SV2B: variants seen among roughly 807,000 people sequenced by gnomAD.
SV2B encodes synaptic vesicle glycoprotein 2B.
In SV2B, 41 loss-of-function variants were observed where a neutral mutation model predicts 73.9. That is an observed-to-expected ratio of 0.56 (90% CI 0.43 to 0.72). The LOEUF is 0.72. SV2B is among the 30% of genes least tolerant of loss of function. SV2B has a pLI of 0.00. For synonymous variants in SV2B, 314 were observed against 314.2 expected (o/e 1.00, Z 0.01); for missense variants, 764 against 857.8 (o/e 0.89, Z 1.37).
At position 91,300,671 on chromosome 15, in the gene SV2B, G is replaced by A. The variant is rs1180157260; in HGVS notation, c.*8119G>A. On this transcript the variant is annotated 3_prime_UTR_variant, in exon 13 of 13. Coordinates refer to ENST00000394232, the MANE Select transcript of SV2B (RefSeq NM_001323032.3). ...CCCTGAAAGTCAGGCCAGTGGTCTC[G>A]AATCATTCCCACAGCAACTGCTACA... 6.6e-6 allele frequency: 1 copy of A among 152,116 alleles called. No individual in the cohort carries two copies. Among genetic ancestry groups the A allele is most frequent in the Non-Finnish European group, 1.5e-5 (1 of 68,034 alleles). The allele number at this position is 152,116 out of a possible 1,614,324, so 9.4% of individuals were successfully genotyped here. A position where few individuals can be genotyped will look rare whatever the true frequency, so the allele number is the denominator to read the frequency against.
intron 1 of SV2B, among the ~76,000 whole-genome samples, chr15:91,176,461 G>T (rs572258528): frequency 1.3e-5 from 2 of 151,848 alleles, no homozygotes; most frequent in Non-Finnish European, 2.9e-5. Context: ...CTGAGGAATC[G>T]CCACACTGAC....
chr15:91,274,947 A>G (rs2048435399), intron 9 of SV2B, among the ~76,000 whole-genome samples: 1 of 152,032 alleles, frequency 6.6e-6, no homozygotes, highest in African/African-American at 2.4e-5. Context: ...TATTATCTAA[A>G]TCTCCAGCAT....
At chr15:91,189,727 G>A (rs903973751) in intron 1 of SV2B, among the ~76,000 whole-genome samples, 2 of 152,184 alleles carry the variant, frequency 1.3e-5, no homozygotes, top group South Asian at 2.1e-4. Context: ...GGTGGCTCAC[G>A]CCTGTAATCC....
In SV2B at chr15:91,121,064, G is replaced by T. The variant is rs1174256391; in HGVS notation, c.-392+20701G>T. Among the ~76,000 whole-genome samples the T allele has an allele frequency of 6.6e-6, 1 of 152,006 alleles. No homozygotes were observed. The highest frequency in any genetic ancestry group is 1.5e-5 in the Non-Finnish European group (1 of 68,018). ...AGATTTTTGCAAATTGTTTCCCATG[G>T]TTTAAGGTGGCAGAGAACTAGTCTT... On this transcript the variant is annotated intron_variant, in intron 1 of 12. Coordinates refer to ENST00000394232, the MANE Select transcript of SV2B (RefSeq NM_001323032.3). This position sits in a 1 kb window ranked among gnomAD's most constrained non-coding sequence, Gnocchi z 4.4.
chr15:91,134,399 G>A (rs1316062918), intron 1 of SV2B, among the ~76,000 whole-genome samples: 6 of 152,138 alleles, frequency 3.9e-5, no homozygotes, highest in African/African-American at 1.4e-4. Flanking sequence ...ATTCAAGACC[G>A]CTGGGATTCT....
chr15:91,159,326 A>G (rs1213361517), intron 1 of SV2B, among the ~76,000 whole-genome samples: 2 of 152,206 alleles, frequency 1.3e-5, no homozygotes, highest in Non-Finnish European at 2.9e-5. Context: ...GTTGGAAGTG[A>G]ATCTCTGGAT....
At chr15:91,169,858 C>A (rs1430609684) in intron 1 of SV2B, among the ~76,000 whole-genome samples, 1 of 152,148 alleles carries the variant, frequency 6.6e-6, no homozygotes, top group African/African-American at 2.4e-5. Context: ...GTCAGACATT[C>A]ATTTAGCAGC....
intron 1 of SV2B, among the ~76,000 whole-genome samples, chr15:91,168,310 G>GAGAGAGAA (rs2043989841): frequency 6.6e-6 from 1 of 151,664 alleles, no homozygotes; most frequent in African/African-American, 2.4e-5. Context: ...ACGAGAGAGA[G>GAGAGAGAA]AGAGAGAGAG....
chr15:91,289,506 G>A lies in SV2B; in HGVS notation c.1709-15G>A. 6.2e-7 allele frequency: 1 copy of A among 1,614,064 alleles called. No homozygotes were observed. The highest frequency in any genetic ancestry group is 8.5e-7 in the Non-Finnish European group (1 of 1,179,996). On this transcript the variant is annotated splice_polypyrimidine_tract_variant and intron_variant, in intron 11 of 12. Coordinates refer to ENST00000394232, the MANE Select transcript of SV2B (RefSeq NM_001323032.3). The surrounding 1 kb of genome is among the most constrained non-coding windows in gnomAD (Gnocchi z 4.9). ...AGGCCTCATGTTTCTTTTTGCCCTT[G>A]AACTCCCTCTGCAGGTGGCTCCATG...
At chr15:91,169,867 G>A (rs908200417) in intron 1 of SV2B, among the ~76,000 whole-genome samples, 3 of 152,284 alleles carry the variant, frequency 2.0e-5, no homozygotes, top group East Asian at 3.9e-4. Context: ...TCATTTAGCA[G>A]CCTGGAAATT....
At chr15:91,103,483 T>C (rs540207000) in intron 1 of SV2B, among the ~76,000 whole-genome samples, 8 of 152,344 alleles carry the variant, frequency 5.3e-5, no homozygotes, top group African/African-American at 1.9e-4. Context: ...TATGCTGACC[T>C]TCAGTGTACC....
At position 91,251,668 on chromosome 15, in the gene SV2B, A is replaced by G. The variant is rs1015341428; in HGVS notation, c.452-151A>G. 2.3e-5 allele frequency: 23 copies of G among 988,036 alleles called. No homozygotes were observed. The African/African-American group carries it at 3.6e-4, about 16-fold the overall frequency. The allele number at this position is 988,036 out of a possible 1,614,324, so 61.2% of individuals were successfully genotyped here. A position where few individuals can be genotyped will look rare whatever the true frequency, so the allele number is the denominator to read the frequency against. ...AAGTCATATTTGTATAGCACTTCCA[A>G]TTTGCCACAAATATCACATTCCACC... On this transcript the variant is annotated intron_variant, in intron 2 of 12. Coordinates refer to ENST00000394232, the MANE Select transcript of SV2B (RefSeq NM_001323032.3).
chr15:91,146,433 C>T (rs899847356), intron 1 of SV2B, among the ~76,000 whole-genome samples: 16 of 152,048 alleles, frequency 1.1e-4, no homozygotes, highest in Admixed American at 1.0e-3. Flanking sequence ...TATTTGGGCT[C>T]TTTTTAAATT....
At chr15:91,273,989 A>C (rs2048401985) in intron 9 of SV2B, among the ~76,000 whole-genome samples, 1 of 152,190 alleles carries the variant, frequency 6.6e-6, no homozygotes, top group Non-Finnish European at 1.5e-5. Context: ...TAAATTATGC[A>C]ACTTGTTTTT....
intron 2 of SV2B, among the ~76,000 whole-genome samples, chr15:91,237,925 T>C (rs1288201735): frequency 6.6e-6 from 1 of 152,178 alleles, no homozygotes; most frequent in Non-Finnish European, 1.5e-5. Context: ...AATGACTCTG[T>C]GAGATGAGTA....
chr15:91,207,101 A>G (rs1374345943), intron 1 of SV2B, among the ~76,000 whole-genome samples: 1 of 151,638 alleles, frequency 6.6e-6, no homozygotes, highest in Non-Finnish European at 1.5e-5. Context: ...CCTAGCTCTC[A>G]CTGCAGTCTT....
At chr15:91,254,332 G>A (rs1288073418) in intron 4 of SV2B, among the ~76,000 whole-genome samples, 2 of 151,008 alleles carry the variant, frequency 1.3e-5, no homozygotes, top group African/African-American at 2.4e-5. Context: ...TGCCTCCCAG[G>A]TTCAAGCAGT....
At chr15:91,186,876 ATAAAT>A (rs951818844) in intron 1 of SV2B, among the ~76,000 whole-genome samples, 6 of 152,270 alleles carry the variant, frequency 3.9e-5, no homozygotes, top group South Asian at 2.1e-4. Flanking sequence ...AAATAAATTA[ATAAAT>A]TAAACAAGTA....
At position 91,214,916 on chromosome 15, in the gene SV2B, A is replaced by T. The variant is rs2045974020; in HGVS notation, c.-391-10957A>T. ...GGCAGTTCTGTTTTGGATAAACTAC[A>T]AGAGACGCTGCTCAGTGATTCTTGA... On this transcript the variant is annotated intron_variant, in intron 1 of 12. Transcript: ENST00000394232. This position sits in a 1 kb window ranked among gnomAD's most constrained non-coding sequence, Gnocchi z 4.7. Among the ~76,000 whole-genome samples the T allele has an allele frequency of 6.6e-6, 1 of 152,204 alleles. No individual in the cohort carries two copies. Among genetic ancestry groups the T allele is most frequent in the Non-Finnish European group, 1.5e-5 (1 of 68,032 alleles).
Sources: gnomAD v4.1 joint callset for allele counts (sites outside exome capture counted in the v4.1 genomes callset) on GRCh38, gnomAD v4.1.1 for gene constraint, Gnocchi (gnomAD v3.1) non-coding constraint, MANE v1.5 for transcripts, NCBI Gene and HGNC (gene_info 2026-07-23, HGNC 2026-07-21) for gene names.